LRRC2: variants seen among roughly 807,000 people sequenced by gnomAD.
The protein encoded by LRRC2 is leucine-rich repeat-containing protein 2.
A neutral mutation model predicts 40.2 loss-of-function variants in LRRC2; 27 were observed. The observed-to-expected ratio is 0.67, with a 90% confidence interval of 0.49 to 0.93. The LOEUF (loss-of-function observed/expected upper bound fraction) is 0.93. Among genes scored for constraint, LRRC2 ranks in the 40% least tolerant of loss-of-function variants. The pLI is 0.00. For synonymous variants in LRRC2, 147 were observed against 158.9 expected (o/e 0.92, Z 0.56); for missense variants, 402 against 439.6 (o/e 0.91, Z 0.76).
At chr3:46,547,603 C>T (rs1704554150) in intron 2 of LRRC2, among the ~76,000 whole-genome samples, 4 of 151,762 alleles carry the variant, frequency 2.6e-5, no homozygotes, top group Admixed American at 1.3e-4. Flanking sequence ...CTGCAGTGAG[C>T]TATGATCACA....
chr3:46,550,949 C>A (rs994723115), intron 2 of LRRC2, among the ~76,000 whole-genome samples: 1 of 152,058 alleles, frequency 6.6e-6, no homozygotes, highest in Non-Finnish European at 1.5e-5. Context: ...ACTTGGTGTT[C>A]ATATACATAA....
chr3:46,548,956 T>C (rs6769817), intron 2 of LRRC2, among the ~76,000 whole-genome samples: 12,232 of 152,166 alleles, frequency 0.08, 572 homozygotes, highest in South Asian at 0.17. Flanking sequence ...GGAGCTCAGG[T>C]GGTAATGCCC....
intron 4 of LRRC2, among the ~76,000 whole-genome samples, chr3:46,536,348 T>C (rs1704268937): frequency 6.6e-6 from 1 of 152,200 alleles, no homozygotes; most frequent in Non-Finnish European, 1.5e-5. Context: ...ATCACTTGAA[T>C]AATCGCTTGG....
intron 4 of LRRC2, among the ~76,000 whole-genome samples, chr3:46,537,631 T>C (rs1417206521): frequency 6.6e-6 from 1 of 152,200 alleles, no homozygotes; most frequent in African/African-American, 2.4e-5. Flanking sequence ...AATGACCCCT[T>C]ACATGTCAAA....
intron 3 of LRRC2, among the ~76,000 whole-genome samples, chr3:46,543,508 C>A (rs1210757688): frequency 6.6e-6 from 1 of 151,818 alleles, no homozygotes; most frequent in East Asian, 1.9e-4. Flanking sequence ...CCCAGCTACT[C>A]GGGAGGCTGA....
intron 8 of LRRC2, among the ~76,000 whole-genome samples, 182 bp from the exon 9 acceptor site, chr3:46,519,245 AC>A (rs1202035848): frequency 6.6e-6 from 1 of 152,254 alleles, no homozygotes; most frequent in Non-Finnish European, 1.5e-5. Context: ...GTAAGTCATC[AC>A]AAATGTGCAG....
chr3:46,562,247 AGAGG>A (rs1329575249), intron 1 of LRRC2, among the ~76,000 whole-genome samples: 4 of 152,164 alleles, frequency 2.6e-5, no homozygotes, highest in Non-Finnish European at 2.9e-5. Flanking sequence ...CTTCACAAGG[AGAGG>A]AACTGAGGCC....
chr3:46,521,478 G>C, intron 8 of LRRC2, 44 bp downstream of exon 8: 2 of 1,425,284 alleles, frequency 1.4e-6, no homozygotes, highest in Middle Eastern at 2.0e-4. Flanking sequence ...ATAAGTGGAC[G>C]TCTGTACACT....
At chr3:46,527,386 T>G in intron 7 of LRRC2, 40 bp downstream of exon 7, 6 of 1,609,588 alleles carry the variant, frequency 3.7e-6, no homozygotes, top group Non-Finnish European at 5.1e-6. Context: ...ACTCCTTACC[T>G]GTGTCTGAGT....
chr3:46,565,146 A>C (rs1054657725), intron 1 of LRRC2, among the ~76,000 whole-genome samples: 4 of 152,230 alleles, frequency 2.6e-5, no homozygotes, highest in Non-Finnish European at 4.4e-5. Flanking sequence ...ATTTTATTGT[A>C]ATTTGTTTAG....
At chr3:46,554,392 TC>T (rs1021500696) in intron 1 of LRRC2, among the ~76,000 whole-genome samples, 1 of 152,090 alleles carries the variant, frequency 6.6e-6, no homozygotes, top group African/African-American at 2.4e-5. Flanking sequence ...ATGCCTGTAA[TC>T]CCAGTACTTT....
chr3:46,523,352 CT>C (rs1216131976), intron 7 of LRRC2, among the ~76,000 whole-genome samples: 1 of 152,110 alleles, frequency 6.6e-6, no homozygotes, highest in African/African-American at 2.4e-5. Flanking sequence ...CAGAAGCAAT[CT>C]TTTTTCATTG....
chr3:46,550,084 A>G (rs1350761652), intron 2 of LRRC2, among the ~76,000 whole-genome samples: 2 of 152,182 alleles, frequency 1.3e-5, no homozygotes, highest in Non-Finnish European at 2.9e-5. Context: ...ATATTGGACA[A>G]TCTCAGATTA....
intron 4 of LRRC2, among the ~76,000 whole-genome samples, chr3:46,533,724 TCC>T (rs1329033643): frequency 4.2e-5 from 6 of 143,228 alleles, no homozygotes; most frequent in Non-Finnish European, 9.2e-5. Flanking sequence ...CTTCCTTCCT[TCC>T]TTCCTTCCTT....
intron 1 of LRRC2, among the ~76,000 whole-genome samples, chr3:46,563,661 A>G (rs1009033252): frequency 6.6e-6 from 1 of 152,220 alleles, no homozygotes; most frequent in Non-Finnish European, 1.5e-5. Context: ...CATGCAAGTT[A>G]AAGTATTTGA....
chr3:46,555,175 T>A (rs751467961), intron 1 of LRRC2, among the ~76,000 whole-genome samples: 1 of 152,170 alleles, frequency 6.6e-6, no homozygotes, highest in Non-Finnish European at 1.5e-5. Context: ...TTGCAAAAAA[T>A]TTCTTCCATT....
chr3:46,531,481 G>A (rs1220026443), intron 5 of LRRC2, among the ~76,000 whole-genome samples: 3 of 152,228 alleles, frequency 2.0e-5, no homozygotes, highest in East Asian at 3.8e-4. Flanking sequence ...CTTGACCAGG[G>A]TGGCAGTGGG....
Position 46,515,577 on chromosome 3 carries a change from A to C in LRRC2, c.*3437T>G, listed in dbSNP as rs1703846098. ...TCTGCACATTTATATGAATAAATTA[A>C]ATAGTATCTCTACAAACATATTCAA... On this transcript the variant is annotated 3_prime_UTR_variant, in exon 9 of 9. Transcript: ENST00000395905. The C allele has an allele frequency of 6.6e-6, 1 of 152,214 alleles. No individual in the cohort carries two copies. The highest frequency in any genetic ancestry group is 2.1e-4 in the South Asian group (1 of 4,834). 9.4% of individuals were successfully genotyped at this position (152,214 alleles called of 1,614,324 possible).
At chr3:46,552,350 C>T (rs1035480577) in intron 1 of LRRC2, among the ~76,000 whole-genome samples, 5 of 147,650 alleles carry the variant, frequency 3.4e-5, no homozygotes, top group East Asian at 2.0e-4. Context: ...TCAAGTAGAA[C>T]GGAATATAAC....
Sources: allele counts gnomAD v4.1 joint callset (sites outside exome capture counted in the v4.1 genomes callset), GRCh38; gene constraint gnomAD v4.1.1; transcripts MANE v1.5; gene names NCBI Gene and HGNC (gene_info 2026-07-23, HGNC 2026-07-21).